LAMA3: variants seen among roughly 807,000 people sequenced by gnomAD.
The protein encoded by LAMA3 is laminin subunit alpha-3.
In LAMA3, 281 loss-of-function variants were observed where a neutral mutation model predicts 402.0. The observed-to-expected ratio is 0.70, with a 90% CI of 0.63 to 0.77. LAMA3 has a LOEUF of 0.77. LAMA3 is among the 30% of genes least tolerant of loss of function. The pLI is 0.00. For synonymous variants in LAMA3, 1,431 were observed against 1,558.4 expected (o/e 0.92, Z 1.93); for missense variants, 3,840 against 4,215.5 (o/e 0.91, Z 2.47).
chr18:23,850,756 G>T (rs1029687749), intron 32 of LAMA3, among the ~76,000 whole-genome samples: 2 of 152,218 alleles, frequency 1.3e-5, no homozygotes, highest in African/African-American at 4.8e-5. Context: ...TGGAAGATAT[G>T]TGCCATCAGA....
At chr18:23,876,964 T>A (rs563064511) in intron 39 of LAMA3, among the ~76,000 whole-genome samples, 2 of 152,308 alleles carry the variant, frequency 1.3e-5, no homozygotes, top group South Asian at 2.1e-4. Context: ...GAGGTTGCAC[T>A]GAGCCGAGAT....
chr18:23,734,231 G>A (rs2061437255), intron 2 of LAMA3, among the ~76,000 whole-genome samples: 1 of 152,174 alleles, frequency 6.6e-6, no homozygotes, highest in African/African-American at 2.4e-5. Flanking sequence ...GGATTTCCAG[G>A]TCTCCTTTCA....
At chr18:23,765,795 C>A (rs937154309) in intron 8 of LAMA3, among the ~76,000 whole-genome samples, 1 of 151,824 alleles carries the variant, frequency 6.6e-6, no homozygotes. Context: ...AATTCTATAA[C>A]TAAAAAATGC....
At chr18:23,749,400 T>G (rs1457080140) in intron 3 of LAMA3, 28 bp from the exon 4 acceptor site, 2 of 1,129,620 alleles carry the variant, frequency 1.8e-6, no homozygotes, top group Admixed American at 2.0e-5. Context: ...ATATTTTGTT[T>G]TATAATATTA....
At chr18:23,812,998 T>A in intron 13 of LAMA3, 59 bp from the exon 14 acceptor site, 3 of 1,193,590 alleles carry the variant, frequency 2.5e-6, no homozygotes, top group East Asian at 2.3e-5. Context: ...ACTTGAAACA[T>A]CAAAACAAAG....
At chr18:23,873,464 G>A (rs1437567367) in intron 38 of LAMA3, among the ~76,000 whole-genome samples, 2 of 152,112 alleles carry the variant, frequency 1.3e-5, no homozygotes, top group Non-Finnish European at 2.9e-5. Context: ...GAATGCTTGC[G>A]GGATGTTAAT....
At position 23,907,819 on chromosome 18, in the gene LAMA3, A is replaced by T; in HGVS notation, c.6899A>T (p.Asp2300Val). The T allele has an allele frequency of 6.2e-7, 1 of 1,614,204 alleles. No homozygotes were observed. The highest frequency in any genetic ancestry group is 8.5e-7 in the Non-Finnish European group (1 of 1,180,032). The change falls in exon 54 of 75, where the codon GAT becomes GTT. Residue 2300 changes from aspartate (D) to valine (V), a missense_variant. Physicochemically the swap from Asp to Val is radical, Grantham distance 152. Coordinates refer to ENST00000313654, the MANE Select transcript of LAMA3 (RefSeq NM_198129.4). ...GTCAGAAAGGCCAACGACATCACAG[A>T]TGAGGTTCTGGATGGGCTCAACCCC... Reference protein sequence around the residue: ...SMVRKANDITDEVLDGLNPIQ... With the variant: ...SMVRKANDITVEVLDGLNPIQ...
chr18:23,928,138 G>T lies in LAMA3; in HGVS notation c.8193G>T (p.Thr2731=). 1.9e-6 allele frequency: 3 copies of T among 1,612,302 alleles called. No homozygotes were observed. Among genetic ancestry groups the T allele is most frequent in the Non-Finnish European group, 2.5e-6 (3 of 1,178,380 alleles). Residue 2731 remains threonine, a synonymous_variant, in exon 63 of 75, where the codon ACG becomes ACT. Transcript: ENST00000313654. ...IAIRERFNIS[T]PAFRGCMKNL... ...TCGTAATCAGATTTAACATTTCTAC[G>T]CCTGCTTTCCGAGGCTGCATGAAAA... is the stretch of plus-strand genomic sequence containing the variant.
At chr18:23,721,722 G>A (rs967219557) in intron 2 of LAMA3, among the ~76,000 whole-genome samples, 8 of 152,030 alleles carry the variant, frequency 5.3e-5, no homozygotes, top group African/African-American at 1.9e-4. Flanking sequence ...CCTCCCCCTT[G>A]ATACTGCACT....
chr18:23,934,419 G>T (rs554081726), intron 67 of LAMA3, among the ~76,000 whole-genome samples: 2 of 152,146 alleles, frequency 1.3e-5, no homozygotes, highest in Non-Finnish European at 2.9e-5. Context: ...TTAGATGCTC[G>T]TGGAGTGGGT....
chr18:23,872,194 A>C (rs978453405), intron 38 of LAMA3, among the ~76,000 whole-genome samples: 8 of 152,094 alleles, frequency 5.3e-5, no homozygotes, highest in African/African-American at 1.9e-4. Context: ...ACCTTTCTCT[A>C]ATCCGGAGCC....
At chr18:23,859,629 G>A (rs918893276) in intron 34 of LAMA3, among the ~76,000 whole-genome samples, 1 of 152,196 alleles carries the variant, frequency 6.6e-6, no homozygotes, top group African/African-American at 2.4e-5. Flanking sequence ...GGTGCATAGG[G>A]TAAAGTCCAG....
intron 7 of LAMA3, among the ~76,000 whole-genome samples, chr18:23,761,164 A>G (rs1462139973): frequency 6.6e-6 from 1 of 152,176 alleles, no homozygotes; most frequent in Non-Finnish European, 1.5e-5. Context: ...ATGTTTTCCC[A>G]ATCATTAAAA....
In LAMA3 at chr18:23,748,068, A is replaced by ATC; in HGVS notation, c.565+10_565+11dup. 7.0e-7 allele frequency: 1 copy of ATC among 1,423,394 alleles called. No individual in the cohort carries two copies. Among genetic ancestry groups the ATC allele is most frequent in the South Asian group, 1.1e-5 (1 of 87,186 alleles). The allele number at this position is 1,423,394 out of a possible 1,614,324, so 88.2% of individuals were successfully genotyped here. On this transcript the variant is annotated intron_variant, in intron 3 of 74. Coordinates refer to ENST00000313654, the MANE Select transcript of LAMA3 (RefSeq NM_198129.4). ...CATGGCAATATTTTGCTCGTAAGTA[A>ATC]TCTTGCCTACCATGTTATGCATGGC...
intron 2 of LAMA3, among the ~76,000 whole-genome samples, chr18:23,740,766 A>T (rs1041654165): frequency 6.6e-6 from 1 of 152,152 alleles, no homozygotes; most frequent in Non-Finnish European, 1.5e-5. Flanking sequence ...TAATGGCCAG[A>T]ACTTGTCAGC....
At chr18:23,901,469 G>A (rs550795495) in intron 48 of LAMA3, 146 bp downstream of exon 48, 15 of 706,616 alleles carry the variant, frequency 2.1e-5, no homozygotes, top group South Asian at 1.3e-4. Flanking sequence ...GGAACAAAGC[G>A]TTAAGTGCAA....
intron 7 of LAMA3, among the ~76,000 whole-genome samples, chr18:23,761,272 A>G (rs2061962668): frequency 6.6e-6 from 1 of 152,246 alleles, no homozygotes; most frequent in Admixed American, 6.5e-5. Flanking sequence ...CAAACAAAAC[A>G]CATACAGCCC....
intron 60 of LAMA3, among the ~76,000 whole-genome samples, chr18:23,919,920 G>C (rs1446524555): frequency 6.6e-6 from 1 of 152,132 alleles, no homozygotes; most frequent in Non-Finnish European, 1.5e-5. Context: ...GCAGGGACTG[G>C]CTAAAAATGT....
In LAMA3 at chr18:23,819,992, G is replaced by T; in HGVS notation, c.2299G>T (p.Val767Leu). The T allele has an allele frequency of 6.2e-7, 1 of 1,614,066 alleles. No homozygotes were observed. Among genetic ancestry groups the T allele is most frequent in the South Asian group, 1.1e-5 (1 of 91,070 alleles). The change falls in exon 19 of 75, where the codon GTA becomes TTA. Residue 767 changes from valine (V) to leucine (L), a missense_variant. Transcript: ENST00000313654. ...SWRGYAQMTSVQNDVRITLNV... is the reference protein window; with the variant it reads ...SWRGYAQMTSLQNDVRITLNV... ...GAGAGGATATGCCCAAATGACCTCA[G>T]TACAGGTACGCAACCCGAAGAGAGC...
Sources: allele counts gnomAD v4.1 joint callset (sites outside exome capture counted in the v4.1 genomes callset), GRCh38; gene constraint gnomAD v4.1.1; transcripts MANE v1.5; gene names NCBI Gene and HGNC (gene_info 2026-07-23, HGNC 2026-07-21).